The following CFAP69 variants were observed in gnomAD, a reference collection of about 807,000 sequenced individuals.
CFAP69 encodes cilia and flagella associated protein 69.
In CFAP69, 92 loss-of-function variants were observed where a neutral mutation model predicts 123.0. The observed-to-expected ratio is 0.75, with a 90% CI of 0.63 to 0.89. The LOEUF (loss-of-function observed/expected upper bound fraction) is 0.89, where lower values mean the gene tolerates loss of function less well. Among genes scored for constraint, CFAP69 ranks in the 40% least tolerant of loss-of-function variants. The pLI, the probability that CFAP69 is intolerant of heterozygous loss-of-function variation, is 0.00. For missense variants in CFAP69, 1,067 were observed against 1,096.9 expected, an observed-to-expected ratio of 0.97 and a Z score of 0.39; for synonymous variants, 380 against 364.3, an observed-to-expected ratio of 1.04 and a Z score of -0.49.
intron 15 of CFAP69, among the ~76,000 whole-genome samples, chr7:90,295,263 G>T (rs973141662): frequency 2.0e-5 from 3 of 152,186 alleles, no homozygotes; most frequent in Non-Finnish European, 2.9e-5. Context: ...TCTTAGAAGG[G>T]ATTCTAACCC....
At chr7:90,260,238 T>C (rs1473640338) in intron 3 of CFAP69, among the ~76,000 whole-genome samples, 1 of 152,204 alleles carries the variant, frequency 6.6e-6, no homozygotes. Context: ...CTAAAGAAGT[T>C]ATCAAGCCCG....
At chr7:90,314,423 G>T (rs1794588711), downstream of CFAP69, among the ~76,000 whole-genome samples, 1 of 152,068 alleles carries the variant, frequency 6.6e-6, no homozygotes, top group Non-Finnish European at 1.5e-5. Context: ...AGGAGTTGGA[G>T]ACCAGCTTGG....
intron 13 of CFAP69, among the ~76,000 whole-genome samples, chr7:90,285,804 A>C (rs1412155893): frequency 6.6e-6 from 1 of 152,202 alleles, no homozygotes; most frequent in African/African-American, 2.4e-5. Flanking sequence ...TGCTGAGCAA[A>C]GTGTCAGGTT....
chr7:90,322,252 A>G, the CFAP69 span: 1 of 152,192 alleles, frequency 6.6e-6, no homozygotes, highest in Non-Finnish European at 1.5e-5. Context: ...ACAAAACAGA[A>G]CTGAGAAAAG....
At chr7:90,275,163 AT>A (rs1156856440) in intron 9 of CFAP69, among the ~76,000 whole-genome samples, 1 of 152,080 alleles carries the variant, frequency 6.6e-6, no homozygotes, top group Non-Finnish European at 1.5e-5. Flanking sequence ...TTTAGAATTT[AT>A]TTTTATTCCT....
At chr7:90,321,385 C>G in the CFAP69 span, 1 of 152,526 alleles carries the variant, frequency 6.6e-6, no homozygotes, top group African/African-American at 2.4e-5. Flanking sequence ...CGAGGCCCCT[C>G]CCTGACCTCG....
chr7:90,287,730 A>G, intron 14 of CFAP69: 3 of 986,146 alleles, frequency 3.0e-6, no homozygotes, highest in Non-Finnish European at 3.6e-6. Flanking sequence ...CCAGAACTGA[A>G]CAGCAAGGCA....
chr7:90,306,331 C>T (rs768604377), intron 19 of CFAP69, among the ~76,000 whole-genome samples: 38 of 152,138 alleles, frequency 2.5e-4, no homozygotes, highest in Admixed American at 2.6e-4. Flanking sequence ...CACTCAAGAA[C>T]GTTAACTTCT....
chr7:90,301,085 C>G (rs1792736178), intron 17 of CFAP69: 1 of 152,166 alleles, frequency 6.6e-6, no homozygotes, highest in South Asian at 2.1e-4. Flanking sequence ...TCTTCTGCCT[C>G]AGCCTCCTGA....
chr7:90,287,129 C>T (rs1374886747), intron 14 of CFAP69, among the ~76,000 whole-genome samples: 1 of 150,440 alleles, frequency 6.6e-6, no homozygotes, highest in African/African-American at 2.4e-5. Flanking sequence ...CATGTCATTG[C>T]ATGTATCAAT....
At chr7:90,304,407 G>A in intron 18 of CFAP69, 1 of 991,542 alleles carries the variant, frequency 1.0e-6, no homozygotes, top group Non-Finnish European at 1.3e-6. Flanking sequence ...AGTCACTTGA[G>A]TTTTTTTTTT....
intron 1 of CFAP69, among the ~76,000 whole-genome samples, chr7:90,246,336 C>T (rs1053192589): frequency 3.3e-5 from 5 of 152,156 alleles, no homozygotes; most frequent in Non-Finnish European, 5.9e-5. Flanking sequence ...TTAAAAGCCG[C>T]GAATTCCTGG....
chr7:90,321,178 CCCAAGCTCGCTCAGCGGAACCG>C, the CFAP69 span: 1 of 152,304 alleles, frequency 6.6e-6, no homozygotes. Context: ...TCACCGGGCG[CCCAAGCTCGCTCAGCGGAACCG>C]TCTCGGCCGC....
intron 12 of CFAP69, among the ~76,000 whole-genome samples, chr7:90,280,397 T>C (rs1789297811): frequency 6.6e-6 from 1 of 152,196 alleles, no homozygotes; most frequent in South Asian, 2.1e-4. Flanking sequence ...GGTTTCGCCA[T>C]GTTGCCCCGG....
chr7:90,302,634 G>C (rs879238014), intron 17 of CFAP69: 2 of 152,092 alleles, frequency 1.3e-5, no homozygotes, highest in Admixed American at 6.6e-5. Context: ...GTAGTTGTAG[G>C]TGTGTAGCCT....
At chr7:90,259,508 G>C (rs1226735091) in intron 3 of CFAP69, among the ~76,000 whole-genome samples, 2 of 151,920 alleles carry the variant, frequency 1.3e-5, no homozygotes, top group Non-Finnish European at 1.5e-5. Context: ...TTTTGACACA[G>C]AGTCTCCATC....
chr7:90,281,694 T>C (rs1457899468), intron 12 of CFAP69, among the ~76,000 whole-genome samples: 2 of 152,202 alleles, frequency 1.3e-5, no homozygotes, highest in African/African-American at 4.8e-5. Context: ...TTGCTAGATA[T>C]CAGTGTAGGA....
At chr7:90,290,399 C>A (rs547895671) in intron 15 of CFAP69, among the ~76,000 whole-genome samples, 1 of 152,308 alleles carries the variant, frequency 6.6e-6, no homozygotes, top group East Asian at 1.9e-4. Context: ...TGAGTCCCAG[C>A]TCAGCAGTCA....
At chr7:90,298,021 C>G (rs924286940) in intron 16 of CFAP69, among the ~76,000 whole-genome samples, 191 bp downstream of exon 16, 1 of 152,200 alleles carries the variant, frequency 6.6e-6, no homozygotes, top group South Asian at 2.1e-4. Context: ...GAAAATTCCT[C>G]TGGTTGGAAA....
Sources: allele counts gnomAD v4.1 joint callset (sites outside exome capture counted in the v4.1 genomes callset), GRCh38; gene constraint gnomAD v4.1.1; transcripts MANE v1.5; gene names NCBI Gene and HGNC (gene_info 2026-07-23, HGNC 2026-07-21).